Variants in IL1RL2 observed in about 807,000 individuals in gnomAD.
The protein encoded by IL1RL2 is interleukin-1 receptor-like 2.
In IL1RL2, 68 loss-of-function variants were observed where a neutral mutation model predicts 66.8. That is an observed-to-expected ratio of 1.02 (90% CI 0.84 to 1.25). The LOEUF (loss-of-function observed/expected upper bound fraction) is 1.25. Ranked by LOEUF, IL1RL2 falls within the 50% of genes most tolerant of loss-of-function variation. The probability of loss-of-function intolerance (pLI) is 0.00; values close to 1 mark genes in which losing one functional copy is unlikely to be tolerated. For missense variants in IL1RL2, 729 were observed against 709.3 expected (o/e 1.03, Z -0.32); for synonymous variants, 305 against 264.6 (o/e 1.15, Z -1.48).
chr2:102,195,597 CTT>C (rs1687633981), intron 4 of IL1RL2, among the ~76,000 whole-genome samples: 1 of 17,318 alleles, frequency 5.8e-5, no homozygotes, highest in Non-Finnish European at 1.3e-4. Context: ...TTCTTTCTTT[CTT>C]TCTTTCTTTC....
intron 5 of IL1RL2, among the ~76,000 whole-genome samples, chr2:102,206,693 C>A (rs4851559): frequency 2.6e-5 from 4 of 152,044 alleles, no homozygotes; most frequent in Non-Finnish European, 5.9e-5. Context: ...GCCAGCACAG[C>A]GCTGGGTCTT....
rs555385454 is a variant in IL1RL2 at position 102,189,143 on chromosome 2, T to C, written c.126T>C (p.Cys42=). Residue 42 remains cysteine, a synonymous_variant, in exon 3 of 12, where the codon TGT becomes TGC. Coordinates refer to ENST00000264257, the MANE Select transcript of IL1RL2 (RefSeq NM_003854.4). The stretch of plus-strand genomic sequence containing the variant: ...CAAGCCAGCCTTTTGCTTTTAATTG[T>C]ACATTCCCTCCCATAACATCTGGGG... ...LSASQPFAFN[C]TFPPITSGEV... 46 of 1,614,166 alleles carry C rather than the reference T, an allele frequency of 2.8e-5. 2 individuals are homozygous for C. In the South Asian group the frequency reaches 4.6e-4, roughly 16 times the overall value.
intron 2 of IL1RL2, 54 bp downstream of exon 2, chr2:102,187,979 G>T (rs1458468866): frequency 1.3e-6 from 2 of 1,538,720 alleles, no homozygotes; most frequent in African/African-American, 2.7e-5. Context: ...ACAGGCTCCT[G>T]GCCTGTCATT....
At chr2:102,191,504 T>G (rs565000562) in intron 3 of IL1RL2, among the ~76,000 whole-genome samples, 36 of 152,354 alleles carry the variant, frequency 2.4e-4, no homozygotes, top group African/African-American at 8.4e-4. Context: ...GAACAGTTCC[T>G]CAGTCTTTGT....
chr2:102,242,725 T>G (rs75781504), downstream of IL1RL2, among the ~76,000 whole-genome samples: 227 of 152,342 alleles, frequency 1.5e-3, 7 homozygotes, highest in East Asian at 0.037. Context: ...TAATCTCCGC[T>G]GAAACACCCT....
At chr2:102,216,117 A>G (rs996006686) in intron 6 of IL1RL2, among the ~76,000 whole-genome samples, 1 of 152,250 alleles carries the variant, frequency 6.6e-6, no homozygotes, top group African/African-American at 2.4e-5. Context: ...TAGATACAAG[A>G]GAATACAAGC....
chr2:102,215,112 C>T (rs1349096026), intron 6 of IL1RL2, among the ~76,000 whole-genome samples: 11 of 149,764 alleles, frequency 7.3e-5, no homozygotes, highest in African/African-American at 2.8e-4. Context: ...ACCACAGACA[C>T]CTGCAGTTCT....
chr2:102,213,968 C>T (rs1467492062), intron 6 of IL1RL2, among the ~76,000 whole-genome samples: 2 of 152,078 alleles, frequency 1.3e-5, no homozygotes, highest in East Asian at 3.8e-4. Context: ...TTATATAAAA[C>T]AACAAATGGT....
chr2:102,192,159 T>C, intron 4 of IL1RL2, 39 bp downstream of exon 4: 1 of 1,381,894 alleles, frequency 7.2e-7, no homozygotes, highest in East Asian at 2.4e-5. Flanking sequence ...TTCCTCCTTT[T>C]CTTTAAAACC....
At chr2:102,227,205 G>A (rs1218085767) in intron 9 of IL1RL2, among the ~76,000 whole-genome samples, 1 of 152,194 alleles carries the variant, frequency 6.6e-6, no homozygotes, top group Non-Finnish European at 1.5e-5. Flanking sequence ...GCTGATCTGT[G>A]TGGAGATGCA....
chr2:102,238,474 G>C (rs896370075), intron 11 of IL1RL2, among the ~76,000 whole-genome samples: 3 of 152,204 alleles, frequency 2.0e-5, no homozygotes, highest in African/African-American at 7.2e-5. Context: ...TGCTCAGGGA[G>C]CCTCAGTCCC....
intron 6 of IL1RL2, among the ~76,000 whole-genome samples, chr2:102,218,407 A>G (rs936931978): frequency 6.6e-6 from 1 of 152,186 alleles, no homozygotes; most frequent in Non-Finnish European, 1.5e-5. Context: ...TGTAGAGGCA[A>G]GATAAGGGAA....
intron 8 of IL1RL2, among the ~76,000 whole-genome samples, chr2:102,223,989 A>T (rs1447385731): frequency 6.6e-6 from 1 of 152,112 alleles, no homozygotes. Flanking sequence ...CAATGAATTA[A>T]TTTTTTTGGC....
intron 5 of IL1RL2, among the ~76,000 whole-genome samples, chr2:102,209,020 G>A (rs1688936834): frequency 6.6e-6 from 1 of 152,176 alleles, no homozygotes; most frequent in Non-Finnish European, 1.5e-5. Context: ...TTTATTAAGT[G>A]AATGATTGAC....
chr2:102,193,418 T>C (rs1687402053), intron 4 of IL1RL2, among the ~76,000 whole-genome samples: 2 of 152,216 alleles, frequency 1.3e-5, no homozygotes, highest in Admixed American at 1.3e-4. Context: ...TTTTACTTTA[T>C]TTTATGACAG....
downstream of IL1RL2, among the ~76,000 whole-genome samples, chr2:102,242,911 T>C (rs144151524): frequency 2.6e-5 from 4 of 152,338 alleles, no homozygotes; most frequent in East Asian, 5.8e-4. Flanking sequence ...GAAGAATTTA[T>C]CTTTTAAATA....
chr2:102,192,055 G>C lies in IL1RL2; in HGVS notation c.424G>C (p.Asp142His). The change falls in exon 4 of 12, where the codon GAT becomes CAT. Residue 142 changes from aspartate to histidine, a missense_variant. By Grantham distance (81) the Asp-to-His change is moderately conservative (BLOSUM62 -1). Coordinates refer to ENST00000264257, the MANE Select transcript of IL1RL2 (RefSeq NM_003854.4). Reference protein sequence around the residue: ...YKQILHLGKDDSLTCHLHFPK... With the variant: ...YKQILHLGKDHSLTCHLHFPK... ...GCAAATATTACATCTTGGAAAAGATGATAGTCTCACATGTCATCTGCACTT... is the reference window on the plus strand; with the variant it reads ...GCAAATATTACATCTTGGAAAAGATCATAGTCTCACATGTCATCTGCACTT... 6.2e-7 allele frequency: 1 copy of C among 1,612,824 alleles called. No individual in the cohort carries two copies. The highest frequency in any genetic ancestry group is 8.5e-7 in the Non-Finnish European group (1 of 1,179,544).
chr2:102,201,730 G>A lies in IL1RL2; in HGVS notation c.649+15G>A. On this transcript the variant is annotated intron_variant, in intron 5 of 11. Coordinates refer to ENST00000264257, the MANE Select transcript of IL1RL2 (RefSeq NM_003854.4). ...TGTGAGCATTAGTAAGTATGCTCATGTATGCCTGTCGCCTTGTATTCTCTT... is the reference window on the plus strand; with the variant it reads ...TGTGAGCATTAGTAAGTATGCTCATATATGCCTGTCGCCTTGTATTCTCTT... 5 of 1,609,766 alleles carry A rather than the reference G, an allele frequency of 3.1e-6. No homozygotes were observed. The highest frequency in any genetic ancestry group is 3.4e-6 in the Non-Finnish European group (4 of 1,177,210).
chr2:102,235,375 C>T (rs768070856), intron 11 of IL1RL2, 98 bp downstream of exon 11: 1 of 1,520,948 alleles, frequency 6.6e-7, no homozygotes, highest in Non-Finnish European at 8.8e-7. Flanking sequence ...TTCATCGGGG[C>T]CGTCTGCTCT....
Sources: allele counts gnomAD v4.1 joint callset (sites outside exome capture counted in the v4.1 genomes callset), GRCh38; gene constraint gnomAD v4.1.1; transcripts MANE v1.5; gene names NCBI Gene and HGNC (gene_info 2026-07-23, HGNC 2026-07-21).